CADPS2: variants seen among roughly 807,000 people sequenced by gnomAD.
The protein encoded by CADPS2 is calcium-dependent secretion activator 2.
A neutral mutation model predicts 172.5 loss-of-function variants in CADPS2; 93 were observed. That is an observed-to-expected ratio of 0.54 (90% CI 0.46 to 0.64). The LOEUF (loss-of-function observed/expected upper bound fraction) is 0.64. Ranked by LOEUF, CADPS2 falls within the 30% of genes least tolerant of loss-of-function variation. The probability of loss-of-function intolerance (pLI) is 0.00; values close to 1 mark genes in which losing one functional copy is unlikely to be tolerated. For missense variants in CADPS2, 1,420 were observed against 1,565.9 expected (o/e 0.91, Z 1.57); for synonymous variants, 546 against 555.2 (o/e 0.98, Z 0.23).
intron 8 of CADPS2, among the ~76,000 whole-genome samples, chr7:122,521,485 T>TG (rs1252409018): frequency 6.0e-5 from 3 of 50,414 alleles, no homozygotes; most frequent in Admixed American, 2.2e-4. Context: ...GGGGGTGAGG[T>TG]GGGGGGGCTT....
intron 19 of CADPS2, among the ~76,000 whole-genome samples, chr7:122,408,719 A>C (rs2046966407): frequency 6.6e-6 from 1 of 152,168 alleles, no homozygotes; most frequent in African/African-American, 2.4e-5. Context: ...AAGCCACGGC[A>C]CCTGGCTTCA....
chr7:122,774,702 A>G (rs2093820870), intron 1 of CADPS2, among the ~76,000 whole-genome samples: 1 of 151,954 alleles, frequency 6.6e-6, no homozygotes, highest in Non-Finnish European at 1.5e-5. Flanking sequence ...TAGAATTTTT[A>G]GTTATTCTGA....
chr7:122,766,850 T>C (rs1333124337), intron 1 of CADPS2, among the ~76,000 whole-genome samples: 2 of 152,136 alleles, frequency 1.3e-5, no homozygotes, highest in African/African-American at 4.8e-5. Flanking sequence ...AGCTCTATCA[T>C]TTGCTAGTTA....
chr7:122,657,954 C>G (rs1051816849), intron 3 of CADPS2, among the ~76,000 whole-genome samples: 7 of 152,074 alleles, frequency 4.6e-5, no homozygotes, highest in Non-Finnish European at 1.0e-4. Flanking sequence ...GAACAGGCAA[C>G]CTACAGAATG....
chr7:122,745,254 C>A (rs1182146233), intron 1 of CADPS2, among the ~76,000 whole-genome samples: 1 of 151,892 alleles, frequency 6.6e-6, no homozygotes, highest in African/African-American at 2.4e-5. Context: ...ACATTTTCAT[C>A]CCACATAATT....
intron 12 of CADPS2, among the ~76,000 whole-genome samples, chr7:122,476,333 CA>C (rs1433371199): frequency 3.3e-5 from 5 of 151,732 alleles, no homozygotes; most frequent in Non-Finnish European, 7.4e-5. Context: ...ATAAATTTCA[CA>C]GGAAAAAGAC....
intron 3 of CADPS2, among the ~76,000 whole-genome samples, chr7:122,658,778 A>C (rs2080143246): frequency 6.6e-6 from 1 of 152,178 alleles, no homozygotes; most frequent in Non-Finnish European, 1.5e-5. Flanking sequence ...AGATATACCT[A>C]ATGTAAATGA....
intron 24 of CADPS2, among the ~76,000 whole-genome samples, chr7:122,384,308 A>G (rs1413362328): frequency 2.6e-5 from 4 of 152,150 alleles, no homozygotes; most frequent in African/African-American, 9.6e-5. Context: ...CGATGACAAT[A>G]TAACACATTT....
At chr7:122,402,843 T>C (rs907081940) in intron 20 of CADPS2, among the ~76,000 whole-genome samples, 28 of 152,326 alleles carry the variant, frequency 1.8e-4, no homozygotes, top group South Asian at 4.2e-4. Flanking sequence ...CTTCCTAATA[T>C]TGGACATTCA....
chr7:122,806,289 C>T (rs1179684585), intron 1 of CADPS2, among the ~76,000 whole-genome samples: 2 of 152,146 alleles, frequency 1.3e-5, no homozygotes, highest in Non-Finnish European at 2.9e-5. Flanking sequence ...CTCAGTTCTA[C>T]AATGAAATAA....
intron 6 of CADPS2, among the ~76,000 whole-genome samples, chr7:122,587,479 T>C (rs2069922729): frequency 6.6e-6 from 1 of 152,132 alleles, no homozygotes; most frequent in Non-Finnish European, 1.5e-5. Context: ...TATTCCATGG[T>C]GTATATATAC....
chr7:122,360,692 G>T, intron 27 of CADPS2, 96 bp downstream of exon 27: 2 of 1,059,180 alleles, frequency 1.9e-6, no homozygotes, highest in Non-Finnish European at 2.7e-6. Context: ...TAAGGGAATG[G>T]CACTGGTTTA....
intron 2 of CADPS2, among the ~76,000 whole-genome samples, chr7:122,701,305 C>G (rs2086036333): frequency 6.6e-6 from 1 of 152,078 alleles, no homozygotes; most frequent in Non-Finnish European, 1.5e-5. Context: ...ATGGATGAAG[C>G]TGGAAACCAT....
chr7:122,342,413 G>T (rs777827573), intron 28 of CADPS2, among the ~76,000 whole-genome samples: 13 of 152,152 alleles, frequency 8.5e-5, no homozygotes, highest in Non-Finnish European at 7.4e-5. Context: ...CAATCAAGGT[G>T]TTTAAATGAT....
chr7:122,467,185 T>A (rs890704407), intron 14 of CADPS2, among the ~76,000 whole-genome samples: 1 of 152,224 alleles, frequency 6.6e-6, no homozygotes, highest in African/African-American at 2.4e-5. Context: ...AGGATAACCT[T>A]GCTTATGACC....
intron 20 of CADPS2, among the ~76,000 whole-genome samples, chr7:122,397,208 C>T (rs915289118): frequency 1.1e-4 from 17 of 151,938 alleles, no homozygotes; most frequent in Admixed American, 1.0e-3. Flanking sequence ...ATGATTATAT[C>T]CTGCAGAATT....
intron 22 of CADPS2, among the ~76,000 whole-genome samples, chr7:122,391,494 G>C (rs1467902320): frequency 5.3e-5 from 8 of 152,030 alleles, no homozygotes; most frequent in Non-Finnish European, 1.2e-4. Flanking sequence ...AAGAAAAGGA[G>C]TTAAATTATA....
rs995851452 is a variant in CADPS2, at chr7:122,640,496, TAGAG to T, written c.787-11172_787-11169del. Among the ~76,000 whole-genome samples the T allele has an allele frequency of 4.2e-4, 51 of 122,036 alleles. 1 individual carries two copies. Among genetic ancestry groups the T allele is most frequent in the African/African-American group, 1.3e-3 (44 of 33,042 alleles). The allele number at this position is 122,036 out of a possible 152,430, so 80.1% of individuals were successfully genotyped here. On this transcript the variant is annotated intron_variant, in intron 3 of 29. Coordinates refer to ENST00000449022, the MANE Select transcript of CADPS2 (RefSeq NM_017954.11). Reference sequence around the variant, plus strand: ...ACACACACACACACACACACAGAGATAGAGAGAGAGAGAGAGAAAAAAAAAGAAG... The same window carrying T: ...ACACACACACACACACACACAGAGATAGAGAGAGAGAGAAAAAAAAAGAAG...
chr7:122,557,466 C>T (rs745869036), intron 7 of CADPS2, among the ~76,000 whole-genome samples: 5 of 152,056 alleles, frequency 3.3e-5, no homozygotes, highest in Admixed American at 1.3e-4. Context: ...CCTTTTTCCA[C>T]GTGGCAAACT....
Sources: allele counts gnomAD v4.1 joint callset (sites outside exome capture counted in the v4.1 genomes callset), GRCh38; gene constraint gnomAD v4.1.1; transcripts MANE v1.5; gene names NCBI Gene and HGNC (gene_info 2026-07-23, HGNC 2026-07-21).